BZW1: variants seen among roughly 807,000 people sequenced by gnomAD.
BZW1 encodes basic leucine zipper and W2 domains 1.
BZW1 carries 3 observed loss-of-function variants against 54.1 expected under a neutral mutation model. The observed-to-expected ratio is 0.06, with a 90% CI of 0.03 to 0.14. The LOEUF is 0.14. Among genes scored for constraint, BZW1 ranks in the 10% least tolerant of loss-of-function variants. The pLI is 1.00. For missense variants in BZW1, 206 were observed against 491.7 expected (o/e 0.42, Z 5.50); for synonymous variants, 152 against 162.7 (o/e 0.93, Z 0.50).
At chr2:200,816,484 T>C in intron 5 of BZW1, 94 bp downstream of exon 5, 1 of 974,200 alleles carries the variant, frequency 1.0e-6, no homozygotes, top group Non-Finnish European at 1.5e-6. Flanking sequence ...GGAGTAATTT[T>C]GCTTGTTTGT....
intron 10 of BZW1, among the ~76,000 whole-genome samples, chr2:200,820,562 G>T (rs1408619440): frequency 6.6e-6 from 1 of 152,118 alleles, no homozygotes; most frequent in Non-Finnish European, 1.5e-5. Flanking sequence ...CAAGCCTGTA[G>T]TCCCAGCAAC....
Position 200,826,417 on chromosome 2 carries a change from T to TGATAGATAGATAGATAGA in BZW1, c.*4239_*4240insGATAGATAGATAGATAGA. ...GATAGATAGATAGATATTTTTTTTT[T>TGATAGATAGATAGATAGA]TTTTTTTTTTTTTTTTTTTTTTTTT... On this transcript the variant is annotated 3_prime_UTR_variant, in exon 12 of 12. Transcript: ENST00000409600. 1.9e-5 allele frequency: 1 copy of TGATAGATAGATAGATAGA among 53,510 alleles called. No homozygotes were observed. Among genetic ancestry groups the TGATAGATAGATAGATAGA allele is most frequent in the East Asian group, 1.0e-3 (1 of 976 alleles). The allele number at this position is 53,510 out of a possible 1,614,324, so 3.3% of individuals were successfully genotyped here. A position where few individuals can be genotyped will look rare whatever the true frequency, so the allele number is the denominator to read the frequency against.
intron 10 of BZW1, 59 bp from the exon 11 acceptor site, chr2:200,821,124 G>T: frequency 1.3e-6 from 2 of 1,580,144 alleles, no homozygotes; most frequent in Non-Finnish European, 8.6e-7. Flanking sequence ...TTAGGTGGTG[G>T]TTCTAACGCT....
chr2:200,826,407 A>AGATAGAT lies in BZW1; in HGVS notation c.*4229_*4230insGATAGAT, dbSNP rs1559318394. The AGATAGAT allele has an allele frequency of 3.6e-5, 2 of 54,948 alleles. No individual in the cohort carries two copies. Among genetic ancestry groups the AGATAGAT allele is most frequent in the South Asian group, 5.3e-4 (1 of 1,890 alleles). 3.4% of individuals were successfully genotyped at this position (54,948 alleles called of 1,614,324 possible). A position where few individuals can be genotyped will look rare whatever the true frequency, so the allele number is the denominator to read the frequency against. ...TAGATAGATAGATAGATAGATAGAT[A>AGATAGAT]TTTTTTTTTTTTTTTTTTTTTTTTT... On this transcript the variant is annotated 3_prime_UTR_variant, in exon 12 of 12. Coordinates refer to ENST00000409600, the MANE Select transcript of BZW1 (RefSeq NM_001207067.2).
rs137957921 is a variant in BZW1, at chr2:200,823,896, A to G, written c.*1718A>G. 92 of 151,872 alleles carry G rather than the reference A, an allele frequency of 6.1e-4. 1 individual carries two copies. The highest frequency in any genetic ancestry group is 2.1e-3 in the African/African-American group (86 of 41,344). 9.4% of individuals were successfully genotyped at this position (151,872 alleles called of 1,614,324 possible). ...CCATGTTAATACCTAGTGGTATTGT[A>G]TGTTGTGTGTTCAGATGTCTTTACT... On this transcript the variant is annotated 3_prime_UTR_variant, in exon 12 of 12. Transcript: ENST00000409600.
Position 200,818,043 on chromosome 2 carries a change from C to G in BZW1, c.608C>G (p.Ala203Gly). 1 of 1,554,868 alleles carries G rather than the reference C, an allele frequency of 6.4e-7. No individual in the cohort carries two copies. Reference protein sequence around the residue: ...WINEKDINAVAASLRKVSMDN... With the variant: ...WINEKDINAVGASLRKVSMDN... ...AATGAAAAAGATATCAATGCAGTAG[C>G]TGCAAGTCTTCGGAAAGTCAGCATG... Residue 203 changes from alanine (A) to glycine (G), a missense_variant, in exon 7 of 12, where the codon GCT (alanine) becomes GGT (glycine). By Grantham distance (60) the Ala-to-Gly change is moderately conservative. This residue lies in a region of BZW1 where 81 missense variants were observed against 257.1 expected (regional missense o/e 0.32). Transcript: ENST00000409600.
rs2038601989 is a variant in BZW1, at chr2:200,823,577, A to T, written c.*1399A>T. ...TTGAAGGTGCCATTCTTATGAGCCAAAAGTTTGTCATTTAAAAGTTCATTT... is the reference window on the plus strand; with the variant it reads ...TTGAAGGTGCCATTCTTATGAGCCATAAGTTTGTCATTTAAAAGTTCATTT... On this transcript the variant is annotated 3_prime_UTR_variant, in exon 12 of 12. Coordinates refer to ENST00000409600, the MANE Select transcript of BZW1 (RefSeq NM_001207067.2). The T allele has an allele frequency of 6.6e-6, 1 of 152,568 alleles. No homozygotes were observed. Among genetic ancestry groups the T allele is most frequent in the Non-Finnish European group, 1.5e-5 (1 of 68,012 alleles). The allele number at this position is 152,568 out of a possible 1,614,324, so 9.5% of individuals were successfully genotyped here. A position where few individuals can be genotyped will look rare whatever the true frequency, so the allele number is the denominator to read the frequency against.
chr2:200,815,780 A>G lies in BZW1; in HGVS notation c.336+19A>G, dbSNP rs773738978. On this transcript the variant is annotated intron_variant, in intron 4 of 11. Coordinates refer to ENST00000409600, the MANE Select transcript of BZW1 (RefSeq NM_001207067.2). ...TGCTCAGGTAAATGAAACTTTACAT[A>G]ATTGTTTTCAGTTGGCTACTATCCA... The G allele has an allele frequency of 1.3e-6, 2 of 1,518,206 alleles. No homozygotes were observed. The highest frequency in any genetic ancestry group is 2.5e-5 in the South Asian group (2 of 78,544). 94.0% of individuals were successfully genotyped at this position (1,518,206 alleles called of 1,614,324 possible).
rs1293087129 is a variant in BZW1 at position 200,812,301 on chromosome 2, T to C, written c.-11+311T>C. 11 of 1,246,732 alleles carry C rather than the reference T, an allele frequency of 8.8e-6. No individual in the cohort carries two copies. The East Asian group carries it at 1.6e-4, about 18-fold the overall frequency. 77.2% of individuals were successfully genotyped at this position (1,246,732 alleles called of 1,614,324 possible). A position where few individuals can be genotyped will look rare whatever the true frequency, so the allele number is the denominator to read the frequency against. ...GCTAACAAAGCCGCCGCGGCCTCTGTTGTGTGATGTACGCGTGGGGGCTTC... is the reference window on the plus strand; with the variant it reads ...GCTAACAAAGCCGCCGCGGCCTCTGCTGTGTGATGTACGCGTGGGGGCTTC... On this transcript the variant is annotated intron_variant, in intron 1 of 11. Transcript: ENST00000409600.
Position 200,818,834 on chromosome 2 carries a change from T to C in BZW1, c.899T>C (p.Val300Ala). Residue 300 changes from valine to alanine, a missense_variant, in exon 9 of 12, where the codon GTA becomes GCA. Physicochemically the swap from Val to Ala is moderately conservative, Grantham distance 64 (BLOSUM62 0). This residue lies in a region of BZW1 where 60 missense variants were observed against 151.8 expected (regional missense o/e 0.40). Transcript: ENST00000409600. Reference protein sequence around the residue: ...PVVIGIVWSSVMSTVEWNKKE... With the variant: ...PVVIGIVWSSAMSTVEWNKKE... The stretch of plus-strand genomic sequence containing the variant: ...GTCATCGGAATAGTCTGGTCAAGTG[T>C]AATGAGCACTGTGGAATGGAACAAA... 1.9e-6 allele frequency: 3 copies of C among 1,602,296 alleles called. No homozygotes were observed. The South Asian group carries it at 3.4e-5, about 18-fold the overall frequency.
At chr2:200,811,645 C>T (rs919585925), upstream of BZW1, 3 of 152,308 alleles carry the variant, frequency 2.0e-5, no homozygotes, top group Non-Finnish European at 4.4e-5. Flanking sequence ...TCCAACCCCT[C>T]CATGTGTGAA....
chr2:200,814,507 T>C (rs2038216546), intron 2 of BZW1, among the ~76,000 whole-genome samples: 1 of 152,178 alleles, frequency 6.6e-6, no homozygotes, highest in Admixed American at 6.5e-5. Context: ...AACCCTATTA[T>C]GAAGTGTGTG....
intron 9 of BZW1, among the ~76,000 whole-genome samples, chr2:200,819,444 G>A (rs755328007): frequency 2.6e-5 from 4 of 152,084 alleles, no homozygotes; most frequent in Non-Finnish European, 5.9e-5. Flanking sequence ...GTTTGCTTTT[G>A]AAGGGGGTAT....
intron 2 of BZW1, among the ~76,000 whole-genome samples, chr2:200,814,761 A>G (rs1246615262): frequency 6.6e-6 from 1 of 152,158 alleles, no homozygotes; most frequent in African/African-American, 2.4e-5. Context: ...ACTACTACAC[A>G]ATATAGTCTC....
chr2:200,814,786 T>G (rs556253419), intron 2 of BZW1, among the ~76,000 whole-genome samples: 1 of 152,206 alleles, frequency 6.6e-6, no homozygotes, highest in Non-Finnish European at 1.5e-5. Flanking sequence ...TTACCTAATT[T>G]CTCTGACTCT....
At chr2:200,821,124 G>A in intron 10 of BZW1, 59 bp from the exon 11 acceptor site, 2 of 1,580,142 alleles carry the variant, frequency 1.3e-6, no homozygotes, top group Non-Finnish European at 1.7e-6. Context: ...TTAGGTGGTG[G>A]TTCTAACGCT....
rs2038318955 is a variant in BZW1 at position 200,816,963 on chromosome 2, G to A, written c.403-143G>A. On this transcript the variant is annotated intron_variant, in intron 5 of 11. Coordinates refer to ENST00000409600, the MANE Select transcript of BZW1 (RefSeq NM_001207067.2). The stretch of plus-strand genomic sequence containing the variant: ...ACTTGCCCGAGATCATTCAGCTAAT[G>A]AGTATTGTAACTTAGATGTAAACTT... 1.3e-5 allele frequency: 12 copies of A among 949,362 alleles called. No individual in the cohort carries two copies. The East Asian group carries it at 2.9e-4, about 23-fold the overall frequency. 58.8% of individuals were successfully genotyped at this position (949,362 alleles called of 1,614,324 possible).
At position 200,815,650 on chromosome 2, in the gene BZW1, G is replaced by T; in HGVS notation, c.242-17G>T. 6.3e-7 allele frequency: 1 copy of T among 1,586,588 alleles called. No individual in the cohort carries two copies. Among genetic ancestry groups the T allele is most frequent in the Non-Finnish European group, 8.6e-7 (1 of 1,165,552 alleles). On this transcript the variant is annotated splice_polypyrimidine_tract_variant and intron_variant, in intron 3 of 11. Transcript: ENST00000409600. Reference sequence around the variant, plus strand: ...ATTTTTTTGGTTTTGTTGTATTTTGGTTTTATCCAACTTTAGCCCCAGGTG... The same window carrying T: ...ATTTTTTTGGTTTTGTTGTATTTTGTTTTTATCCAACTTTAGCCCCAGGTG...
rs1348619402 is a variant in BZW1, at chr2:200,825,031, A to G, written c.*2853A>G. 6.6e-6 allele frequency: 1 copy of G among 151,822 alleles called. No individual in the cohort carries two copies. Among genetic ancestry groups the G allele is most frequent in the Non-Finnish European group, 1.5e-5 (1 of 68,000 alleles). 9.4% of individuals were successfully genotyped at this position (151,822 alleles called of 1,614,324 possible). ...ATTACCATAGATACGCTGTGTATGT[A>G]CTGTTTCTGTGCTTTGTACATGAAA... On this transcript the variant is annotated 3_prime_UTR_variant, in exon 12 of 12. Transcript: ENST00000409600.
Sources: gnomAD v4.1 joint callset for allele counts (sites outside exome capture counted in the v4.1 genomes callset) on GRCh38, gnomAD v4.1.1 for gene constraint, gnomAD v4.1.1 regional missense constraint, MANE v1.5 for transcripts, NCBI Gene and HGNC (gene_info 2026-07-23, HGNC 2026-07-21) for gene names.